The following NRXN3 variants were observed in gnomAD, a reference collection of about 807,000 sequenced individuals.
The protein encoded by NRXN3 is neurexin 3.
Under a neutral mutation model 137.6 loss-of-function variants are expected in NRXN3, and 32 were observed. That is an observed-to-expected ratio of 0.23 (90% CI 0.18 to 0.31). NRXN3 has a LOEUF of 0.31. NRXN3 is among the 10% of genes least tolerant of loss of function. The pLI is 1.00. For synonymous variants in NRXN3, 798 were observed against 784.5 expected (o/e 1.02, Z -0.29); for missense variants, 1,574 against 2,062.5 (o/e 0.76, Z 4.59).
intron 19 of NRXN3, among the ~76,000 whole-genome samples, chr14:79,747,413 G>T (rs1490866834): frequency 6.6e-6 from 1 of 152,060 alleles, no homozygotes; most frequent in East Asian, 1.9e-4. Context: ...AAAATGCTAG[G>T]TTACTTCACA....
chr14:79,091,224 A>G (rs2049110488), intron 15 of NRXN3, among the ~76,000 whole-genome samples: 1 of 152,076 alleles, frequency 6.6e-6, no homozygotes, highest in African/African-American at 2.4e-5. Flanking sequence ...TGCCTGGTAC[A>G]TAGTTATTTG....
chr14:78,700,640 T>C (rs1004439278), intron 6 of NRXN3, among the ~76,000 whole-genome samples: 13 of 152,186 alleles, frequency 8.5e-5, no homozygotes, highest in African/African-American at 3.1e-4. Flanking sequence ...CAAGTTCTTA[T>C]TTGTTAACTT....
At chr14:79,637,569 T>C (rs1567740775) in intron 16 of NRXN3, among the ~76,000 whole-genome samples, 2 of 151,984 alleles carry the variant, frequency 1.3e-5, no homozygotes, top group African/African-American at 4.8e-5. Context: ...GAGAAGACTG[T>C]TGTGGGAATG....
At chr14:79,585,903 C>G (rs17109514) in intron 16 of NRXN3, among the ~76,000 whole-genome samples, 19,492 of 152,112 alleles carry the variant, frequency 0.13, 1,408 homozygotes, top group South Asian at 0.23. Context: ...TTATTAATTA[C>G]CATGCCCACA....
chr14:79,524,554 C>A (rs955157911), intron 16 of NRXN3, among the ~76,000 whole-genome samples: 2 of 152,104 alleles, frequency 1.3e-5, no homozygotes, highest in African/African-American at 4.8e-5. Context: ...AAAAATAATT[C>A]TGGGGATAAT....
intron 17 of NRXN3, among the ~76,000 whole-genome samples, chr14:79,685,070 G>A (rs1475947680): frequency 6.6e-6 from 1 of 152,116 alleles, no homozygotes; most frequent in Non-Finnish European, 1.5e-5. Flanking sequence ...TTTTGAAAAG[G>A]ATATTTGAAA....
intron 16 of NRXN3, among the ~76,000 whole-genome samples, chr14:79,568,018 GTTTTGGGTGC>G (rs1267549681): frequency 6.6e-6 from 1 of 152,158 alleles, no homozygotes; most frequent in African/African-American, 2.4e-5. Context: ...GAGTACCTCT[GTTTTGGGTGC>G]TAGAGCATGC....
intron 4 of NRXN3, among the ~76,000 whole-genome samples, chr14:78,364,785 G>A (rs75418593): frequency 1.3e-5 from 2 of 152,132 alleles, no homozygotes; most frequent in African/African-American, 2.4e-5. Flanking sequence ...GAAACTGTGG[G>A]TGGAGGAGAA....
At chr14:79,502,364 T>G (rs1321357684) in intron 16 of NRXN3, among the ~76,000 whole-genome samples, 3 of 152,178 alleles carry the variant, frequency 2.0e-5, no homozygotes, top group Non-Finnish European at 4.4e-5. Flanking sequence ...CCTTTTTTTC[T>G]TATTTGAGCC....
intron 8 of NRXN3, among the ~76,000 whole-genome samples, chr14:78,802,020 A>G (rs566562033): frequency 2.0e-4 from 31 of 152,348 alleles, no homozygotes; most frequent in Non-Finnish European, 3.8e-4. Flanking sequence ...GTAGGTAGCA[A>G]ATATTTGACA....
chr14:79,513,716 G>T (rs150707484), intron 16 of NRXN3, among the ~76,000 whole-genome samples: 1 of 152,178 alleles, frequency 6.6e-6, no homozygotes, highest in Non-Finnish European at 1.5e-5. Context: ...GAGCAAGGAT[G>T]TGAATCTGTA....
At chr14:79,007,457 C>CT (rs34955421) in intron 15 of NRXN3, among the ~76,000 whole-genome samples, 39 of 146,506 alleles carry the variant, frequency 2.7e-4, no homozygotes, top group South Asian at 1.1e-3. Flanking sequence ...AAGTCATGAA[C>CT]TTTTTTTTTT....
In NRXN3 at chr14:78,803,709, C is replaced by T. The variant is rs553772014; in HGVS notation, c.2134C>T (p.Arg712Cys). The T allele has an allele frequency of 6.2e-6, 10 of 1,614,000 alleles. No homozygotes were observed. The highest frequency in any genetic ancestry group is 2.2e-5 in the East Asian group (1 of 44,872). The change falls in exon 9 of 21, where the codon CGC becomes TGC. Residue 712 changes from arginine to cysteine, a missense_variant. Physicochemically the swap from Arg to Cys is radical, Grantham distance 180. This residue lies in a region of NRXN3 where 718 missense variants were observed against 887.6 expected (regional missense o/e 0.81). Transcript: ENST00000335750. ...TACTGAGGCAGAGGATGTGTCCTTC[C>T]GCTTCATGTCCCAGCGAGCTTATGG... ...MHTEAEDVSF[R>C]FMSQRAYGLL...
chr14:79,634,878 C>T (rs1027185338), intron 16 of NRXN3, among the ~76,000 whole-genome samples: 2 of 152,176 alleles, frequency 1.3e-5, no homozygotes, highest in Non-Finnish European at 2.9e-5. Context: ...ATTCTAAGAT[C>T]GACCTTTTTA....
intron 19 of NRXN3, among the ~76,000 whole-genome samples, chr14:79,776,667 T>G (rs1277274677): frequency 6.6e-6 from 1 of 152,184 alleles, no homozygotes; most frequent in South Asian, 2.1e-4. Context: ...TGCCTTGACA[T>G]AGATGCTTGG....
intron 15 of NRXN3, among the ~76,000 whole-genome samples, chr14:79,188,756 C>T (rs1185778288): frequency 6.6e-6 from 1 of 152,170 alleles, no homozygotes; most frequent in African/African-American, 2.4e-5. Flanking sequence ...CAAAAGAAGA[C>T]ATTTATGCAG....
At chr14:78,993,558 A>G (rs2099523258) in intron 15 of NRXN3, among the ~76,000 whole-genome samples, 1 of 152,188 alleles carries the variant, frequency 6.6e-6, no homozygotes, top group Admixed American at 6.5e-5. Flanking sequence ...CACTTGTAAA[A>G]CAATTGTTTG....
chr14:79,593,744 T>C (rs1039937674), intron 16 of NRXN3, among the ~76,000 whole-genome samples: 98 of 152,148 alleles, frequency 6.4e-4, no homozygotes, highest in African/African-American at 2.3e-3. Flanking sequence ...GAATTATTTA[T>C]GGTAGCAAAA....
chr14:78,999,516 C>T, intron 15 of NRXN3, among the ~76,000 whole-genome samples: 1 of 152,122 alleles, frequency 6.6e-6, no homozygotes, highest in African/African-American at 2.4e-5. Flanking sequence ...AGAACACTAA[C>T]AGTTTTACTA....
Sources: gnomAD v4.1 joint callset for allele counts (sites outside exome capture counted in the v4.1 genomes callset) on GRCh38, gnomAD v4.1.1 for gene constraint, gnomAD v4.1.1 regional missense constraint, MANE v1.5 for transcripts, NCBI Gene and HGNC (gene_info 2026-07-23, HGNC 2026-07-21) for gene names.